FRMD4A: variants seen among roughly 807,000 people sequenced by gnomAD.
The protein encoded by FRMD4A is FERM domain-containing protein 4A.
Under a neutral mutation model 129.1 loss-of-function variants are expected in FRMD4A, and 29 were observed. The ratio of observed to expected loss-of-function variants is 0.22; its 90% confidence interval spans 0.17 to 0.31. The LOEUF is 0.31. Ranked by LOEUF, FRMD4A falls within the 10% of genes least tolerant of loss-of-function variation. The pLI, the probability that FRMD4A is intolerant of heterozygous loss-of-function variation, is 1.00. For missense variants in FRMD4A, 1,272 were observed against 1,375.8 expected (o/e 0.92, Z 1.19); for synonymous variants, 634 against 571.6 (o/e 1.11, Z -1.56).
chr10:13,670,001 C>T (rs1160246848), intron 17 of FRMD4A, among the ~76,000 whole-genome samples: 7 of 152,214 alleles, frequency 4.6e-5, no homozygotes, highest in Admixed American at 4.6e-4. Flanking sequence ...TACCCTTGCA[C>T]CTGATGCCGT....
At chr10:14,322,021 G>C (rs1189828209) in intron 2 of FRMD4A, among the ~76,000 whole-genome samples, 1 of 152,138 alleles carries the variant, frequency 6.6e-6, no homozygotes, top group Non-Finnish European at 1.5e-5. Context: ...CACCATGATT[G>C]TAAGTTTCCT....
At chr10:14,033,306 C>CAA (rs11312756) in intron 2 of FRMD4A, among the ~76,000 whole-genome samples, 3 of 141,458 alleles carry the variant, frequency 2.1e-5, no homozygotes, top group African/African-American at 7.8e-5. Context: ...GACTGTGTCT[C>CAA]AAAAAAAAAA....
At chr10:13,854,566 G>A (rs576016186) in intron 3 of FRMD4A, among the ~76,000 whole-genome samples, 37 of 151,036 alleles carry the variant, frequency 2.4e-4, no homozygotes, top group Non-Finnish European at 3.8e-4. Flanking sequence ...GATTACAGGC[G>A]TGCACAACCA....
chr10:13,988,789 TCTAC>T (rs528337302), intron 2 of FRMD4A, among the ~76,000 whole-genome samples: 38 of 152,258 alleles, frequency 2.5e-4, no homozygotes, highest in South Asian at 1.0e-3. Context: ...TATCTATCTA[TCTAC>T]CTACCTACCT....
intron 2 of FRMD4A, among the ~76,000 whole-genome samples, chr10:14,004,261 G>A (rs539649266): frequency 1.9e-3 from 285 of 152,316 alleles, no homozygotes; most frequent in African/African-American, 6.4e-3. Flanking sequence ...AAAAATACAA[G>A]ACTGGGTGCG....
chr10:14,129,831 G>C (rs1000266463), intron 2 of FRMD4A, among the ~76,000 whole-genome samples: 3 of 152,154 alleles, frequency 2.0e-5, no homozygotes, highest in African/African-American at 7.2e-5. Context: ...GAAGTCAGTG[G>C]TTGATATTTG....
intron 2 of FRMD4A, among the ~76,000 whole-genome samples, chr10:14,074,076 A>G (rs774581369): frequency 1.3e-5 from 2 of 152,166 alleles, no homozygotes; most frequent in African/African-American, 4.8e-5. Context: ...GTGCCCCTGC[A>G]CTCCAGCCTG....
chr10:14,216,116 C>A (rs1843067735), intron 2 of FRMD4A, among the ~76,000 whole-genome samples: 1 of 152,082 alleles, frequency 6.6e-6, no homozygotes. Flanking sequence ...TGTTTGAAAC[C>A]CCACCAGCTT....
intron 18 of FRMD4A, among the ~76,000 whole-genome samples, chr10:13,664,016 C>T (rs1297016628): frequency 1.3e-5 from 2 of 152,236 alleles, no homozygotes; most frequent in Admixed American, 6.5e-5. Context: ...GGCTCCATCT[C>T]TCCAAAGCTT....
chr10:14,260,227 T>C (rs985234334), intron 2 of FRMD4A, among the ~76,000 whole-genome samples: 2 of 152,118 alleles, frequency 1.3e-5, no homozygotes, highest in African/African-American at 4.8e-5. Flanking sequence ...CTGCATTCTC[T>C]CCCTTTTGTA....
chr10:14,315,659 T>C (rs1218420), intron 2 of FRMD4A, among the ~76,000 whole-genome samples: 1 of 152,240 alleles, frequency 6.6e-6, no homozygotes, highest in Non-Finnish European at 1.5e-5. Flanking sequence ...TTGTGCTTCA[T>C]CTTCTGATTT....
intron 2 of FRMD4A, among the ~76,000 whole-genome samples, chr10:14,094,993 T>C (rs1418662256): frequency 6.6e-6 from 1 of 152,094 alleles, no homozygotes; most frequent in Non-Finnish European, 1.5e-5. Context: ...GATCCATACA[T>C]CCATATGCAT....
chr10:14,153,058 G>C (rs1303009543), intron 2 of FRMD4A, among the ~76,000 whole-genome samples: 1 of 152,168 alleles, frequency 6.6e-6, no homozygotes, highest in Non-Finnish European at 1.5e-5. Context: ...GGGAAGCTGA[G>C]AGCTGCCCTA....
intron 2 of FRMD4A, among the ~76,000 whole-genome samples, chr10:14,308,401 A>T (rs12360367): frequency 0.33 from 48,785 of 148,446 alleles, 8,116 homozygotes; most frequent in Middle Eastern, 0.38. Flanking sequence ...ATTTATTATT[A>T]TTTTTTTTTC....
intron 6 of FRMD4A, among the ~76,000 whole-genome samples, chr10:13,767,888 T>G (rs1310548813): frequency 2.0e-5 from 3 of 152,116 alleles, no homozygotes; most frequent in Non-Finnish European, 4.4e-5. Context: ...CTGGTGGGCA[T>G]GGAATAATTA....
At chr10:13,663,964 CT>C (rs1447125912) in intron 18 of FRMD4A, among the ~76,000 whole-genome samples, 2 of 152,246 alleles carry the variant, frequency 1.3e-5, no homozygotes, top group Admixed American at 1.3e-4. Context: ...TCTCAATAAA[CT>C]TTGTAAGTCA....
At chr10:14,170,826 G>GTCTTC (rs1564360140) in intron 2 of FRMD4A, among the ~76,000 whole-genome samples, 4 of 3,600 alleles carry the variant, frequency 1.1e-3, no homozygotes, top group African/African-American at 1.3e-3. Context: ...TCTTCTCCCC[G>GTCTTC]TCCTCTCCTC....
intron 2 of FRMD4A, among the ~76,000 whole-genome samples, chr10:14,006,795 T>C (rs1280992111): frequency 6.6e-6 from 1 of 152,236 alleles, no homozygotes; most frequent in African/African-American, 2.4e-5. Context: ...TTGCTGTCAC[T>C]GATGGCCTAA....
intron 2 of FRMD4A, chr10:14,008,435 C>G: frequency 9.9e-7 from 1 of 1,008,872 alleles, no homozygotes; most frequent in Middle Eastern, 5.1e-4. Context: ...TCCCTCTGCA[C>G]AGCTGGCTCA....
Sources: gnomAD v4.1 joint callset for allele counts (sites outside exome capture counted in the v4.1 genomes callset) on GRCh38, gnomAD v4.1.1 for gene constraint, MANE v1.5 for transcripts, NCBI Gene and HGNC (gene_info 2026-07-23, HGNC 2026-07-21) for gene names.